SEL1L3: variants seen among roughly 807,000 people sequenced by gnomAD.
SEL1L3 encodes protein sel-1 homolog 3.
A neutral mutation model predicts 142.8 loss-of-function variants in SEL1L3; 76 were observed. The ratio of observed to expected loss-of-function variants is 0.53; its 90% CI spans 0.44 to 0.64. SEL1L3 has a LOEUF of 0.64. SEL1L3 is among the 30% of genes least tolerant of loss of function. The pLI is 0.00. For missense variants in SEL1L3, 1,262 were observed against 1,381.7 expected, an observed-to-expected ratio of 0.91 and a Z score of 1.37; for synonymous variants, 504 against 519.6, an observed-to-expected ratio of 0.97 and a Z score of 0.41.
the SEL1L3 span, among the ~76,000 whole-genome samples, chr4:25,714,496 TTCTTTTTCTTTCTTTCTTTCTTTC>T: frequency 1.6e-5 from 1 of 61,074 alleles, no homozygotes; most frequent in Non-Finnish European, 2.9e-5. Flanking sequence ...TTCTCTTTCT[TTCTTTTTCTTTCTTTCTTTCTTTC>T]TTTCTTTCTT....
At chr4:25,714,475 GCTTTCTTTCTTTCT>G in the SEL1L3 span, among the ~76,000 whole-genome samples, 2 of 131,560 alleles carry the variant, frequency 1.5e-5, no homozygotes, top group Non-Finnish European at 3.2e-5. Flanking sequence ...AAATAAAATT[GCTTTCTTTCTTTCT>G]CTTTCTTTCT....
chr4:25,790,382 T>G (rs1407443124), intron 12 of SEL1L3, 73 bp downstream of exon 12: 1 of 1,426,552 alleles, frequency 7.0e-7, no homozygotes, highest in South Asian at 1.1e-5. Context: ...CAGTTTGAGA[T>G]GTTTCATTAC....
intron 2 of SEL1L3, among the ~76,000 whole-genome samples, chr4:25,836,684 T>C (rs1362933711): frequency 6.6e-6 from 1 of 152,132 alleles, no homozygotes; most frequent in Non-Finnish European, 1.5e-5. Flanking sequence ...CTGCTTAAAA[T>C]ACTCCTTAGT....
intron 23 of SEL1L3, chr4:25,756,413 T>C: frequency 2.0e-6 from 2 of 985,180 alleles, no homozygotes; most frequent in Non-Finnish European, 2.4e-6. Context: ...GAGAAGGTTT[T>C]ATATGCCAGA....
chr4:25,758,134 G>A (rs1718120339), intron 21 of SEL1L3, among the ~76,000 whole-genome samples: 1 of 152,226 alleles, frequency 6.6e-6, no homozygotes, highest in South Asian at 2.1e-4. Context: ...CAGTATTTCT[G>A]TTTAAAGCAC....
the SEL1L3 span, among the ~76,000 whole-genome samples, chr4:25,723,159 G>T: frequency 6.6e-6 from 1 of 152,166 alleles, no homozygotes; most frequent in Non-Finnish European, 1.5e-5. Context: ...TCATTTTATG[G>T]CCCTGGAGTC....
chr4:25,811,371 T>C (rs1165194111), intron 9 of SEL1L3, among the ~76,000 whole-genome samples: 1 of 152,130 alleles, frequency 6.6e-6, no homozygotes, highest in Non-Finnish European at 1.5e-5. Context: ...TTTACAGAAG[T>C]GTCTACCGAG....
chr4:25,716,529 T>C, the SEL1L3 span, among the ~76,000 whole-genome samples: 1 of 152,180 alleles, frequency 6.6e-6, no homozygotes, highest in Non-Finnish European at 1.5e-5. Flanking sequence ...CTAGAACATT[T>C]GCTTTAAAAG....
At chr4:25,801,566 T>C (rs553235962) in intron 11 of SEL1L3, among the ~76,000 whole-genome samples, 3 of 152,282 alleles carry the variant, frequency 2.0e-5, no homozygotes, top group Admixed American at 6.5e-5. Context: ...AAACCATCAG[T>C]TGGTGTAATG....
chr4:25,863,296 CTCTCCCTCCG>C, upstream of SEL1L3: 1 of 485,758 alleles, frequency 2.1e-6, no homozygotes, highest in Admixed American at 3.9e-5. Flanking sequence ...GATCCCCCTC[CTCTCCCTCCG>C]GCTCCCTCTT....
intron 2 of SEL1L3, 101 bp from the exon 3 acceptor site, chr4:25,835,424 T>C: frequency 7.7e-7 from 1 of 1,296,592 alleles, no homozygotes; most frequent in East Asian, 2.3e-5. Flanking sequence ...CAATCAAACA[T>C]TTAAGTGAGA....
At chr4:25,720,821 C>CT in the SEL1L3 span, 1 of 152,154 alleles carries the variant, frequency 6.6e-6, no homozygotes, top group Non-Finnish European at 1.5e-5. Context: ...GAAGTATCTG[C>CT]TTTTGACTAC....
rs756390882 is a variant in SEL1L3, at chr4:25,847,303, G to A, written c.724C>T (p.Leu242=). ...AAGATAGATGACCTACCATTTTCCA[G>A]AGGACACTGTGGAATCCTGTTTGCC... is the stretch of plus-strand genomic sequence containing the variant. ...LRANRIPQCP[L]ENDVVALLGF... is the part of the protein sequence containing the mutation. Residue 242 remains leucine (L), a synonymous_variant, in exon 2 of 24, where the codon CTG becomes TTG. Coordinates refer to ENST00000399878, the MANE Select transcript of SEL1L3 (RefSeq NM_015187.5). The A allele has an allele frequency of 1.2e-6, 2 of 1,610,502 alleles. No homozygotes were observed. The highest frequency in any genetic ancestry group is 1.7e-6 in the Non-Finnish European group (2 of 1,178,006).
Position 25,790,496 on chromosome 4 carries a change from A to G in SEL1L3, c.2035T>C (p.Trp679Arg), listed in dbSNP as rs767543793. 1.3e-5 allele frequency: 21 copies of G among 1,613,648 alleles called. No individual in the cohort carries two copies. The highest frequency in any genetic ancestry group is 1.6e-5 in the Non-Finnish European group (19 of 1,179,826). The change falls in exon 12 of 24, where the codon TGG (tryptophan) becomes CGG (arginine). Residue 679 changes from tryptophan to arginine, a missense_variant. Physicochemically the swap from Trp to Arg is moderately radical, Grantham distance 101. This residue lies in a region of SEL1L3 where 435 missense variants were observed against 559.2 expected (regional missense o/e 0.78). Coordinates refer to ENST00000399878, the MANE Select transcript of SEL1L3 (RefSeq NM_015187.5). ...CCTCGGGTAGCTTCATGCTTCAACC[A>G]CATAAAGACATCTCCATCTTCTTTG... ...QTKEDGDVFM[W>R]LKHEATRGNA... is the part of the protein sequence containing the mutation.
rs1480388815 is a variant in SEL1L3, at chr4:25,831,914, C to T, written c.1098+1081G>A. Among the ~76,000 whole-genome samples, 4 of 152,296 alleles carry T rather than the reference C, an allele frequency of 2.6e-5. No individual in the cohort carries two copies. The South Asian group carries it at 6.2e-4, about 24-fold the overall frequency. ...CAAGCAACTCGAGCATAGTGCCTTG[C>T]ATACAGTAGGTGCAAAATAAGATCT... On this transcript the variant is annotated intron_variant, in intron 5 of 23. Transcript: ENST00000399878.
At chr4:25,771,352 A>G (rs1400318552) in intron 17 of SEL1L3, among the ~76,000 whole-genome samples, 1 of 152,228 alleles carries the variant, frequency 6.6e-6, no homozygotes, top group Non-Finnish European at 1.5e-5. Flanking sequence ...AGGGATTGAG[A>G]GAAAAGAAAG....
intron 6 of SEL1L3, among the ~76,000 whole-genome samples, chr4:25,825,666 A>ATTTTT (rs33997941): frequency 1.1e-4 from 8 of 74,022 alleles, no homozygotes; most frequent in Admixed American, 1.8e-4. Flanking sequence ...TCTAAATTCT[A>ATTTTT]TTTTTTTTTT....
intron 9 of SEL1L3, among the ~76,000 whole-genome samples, chr4:25,813,652 G>C (rs1714180568): frequency 6.6e-6 from 1 of 152,178 alleles, no homozygotes; most frequent in African/African-American, 2.4e-5. Flanking sequence ...AATATCCTTA[G>C]CACTGCTGAA....
In SEL1L3 at chr4:25,790,486, T is replaced by C. The variant is rs1248658392; in HGVS notation, c.2045A>G (p.His682Arg). The change falls in exon 12 of 24, where the codon CAT (histidine) becomes CGT (arginine). Residue 682 changes from histidine (H) to arginine (R), a missense_variant. His to Arg is a conservative substitution (Grantham distance 29). Transcript: ENST00000399878. ...TGCTGCATTGCCTCGGGTAGCTTCA[T>C]GCTTCAACCACATAAAGACATCTCC... is the stretch of plus-strand genomic sequence containing the variant. Reference protein sequence around the residue: ...EDGDVFMWLKHEATRGNAAAQ... With the variant: ...EDGDVFMWLKREATRGNAAAQ... The C allele has an allele frequency of 6.2e-7, 1 of 1,613,864 alleles. No homozygotes were observed. Among genetic ancestry groups the C allele is most frequent in the African/African-American group, 1.3e-5 (1 of 74,994 alleles).
Sources: gnomAD v4.1 joint callset for allele counts (sites outside exome capture counted in the v4.1 genomes callset) on GRCh38, gnomAD v4.1.1 for gene constraint, gnomAD v4.1.1 regional missense constraint, MANE v1.5 for transcripts, NCBI Gene and HGNC (gene_info 2026-07-23, HGNC 2026-07-21) for gene names.